PXDNL: variants seen among roughly 807,000 people sequenced by gnomAD.
The protein encoded by PXDNL is probable oxidoreductase PXDNL.
PXDNL carries 145 observed loss-of-function variants against 150.8 expected under a neutral mutation model. The ratio of observed to expected loss-of-function variants is 0.96; its 90% CI spans 0.84 to 1.10. The LOEUF is 1.10. Among genes scored for constraint, PXDNL ranks in the 50% least tolerant of loss-of-function variants. The pLI is 0.00. For missense variants in PXDNL, 2,087 were observed against 1,873.9 expected (o/e 1.11, Z -2.10); for synonymous variants, 757 against 725.7 (o/e 1.04, Z -0.69).
chr8:51,343,717 T>TGATCCC (rs1458547604), intron 20 of PXDNL, among the ~76,000 whole-genome samples: 1 of 152,192 alleles, frequency 6.6e-6, no homozygotes, highest in East Asian at 1.9e-4. Context: ...TGGAAGGGAC[T>TGATCCC]GATCCCCATC....
At chr8:51,680,825 G>A (rs1221161396) in intron 1 of PXDNL, among the ~76,000 whole-genome samples, 1 of 152,192 alleles carries the variant, frequency 6.6e-6, no homozygotes, top group Non-Finnish European at 1.5e-5. Context: ...CTGTTGTGAA[G>A]ATATGTGATT....
intron 5 of PXDNL, among the ~76,000 whole-genome samples, chr8:51,497,355 AT>A (rs976233508): frequency 1.3e-5 from 2 of 152,216 alleles, no homozygotes; most frequent in East Asian, 3.8e-4. Flanking sequence ...AGGCAATACC[AT>A]TCAGGACATA....
intron 17 of PXDNL, among the ~76,000 whole-genome samples, chr8:51,388,480 T>C (rs1807794927): frequency 6.6e-6 from 1 of 152,204 alleles, no homozygotes; most frequent in African/African-American, 2.4e-5. Flanking sequence ...TGGTTGTTGA[T>C]TACCATAATC....
intron 1 of PXDNL, among the ~76,000 whole-genome samples, chr8:51,716,380 A>G (rs1335345687): frequency 6.6e-6 from 1 of 152,250 alleles, no homozygotes. Context: ...TGCACAACAC[A>G]TAAATTCCCC....
chr8:51,455,197 A>G (rs1219853046), intron 9 of PXDNL, among the ~76,000 whole-genome samples: 1 of 151,800 alleles, frequency 6.6e-6, no homozygotes, highest in Non-Finnish European at 1.5e-5. Flanking sequence ...GAGGTAAGTC[A>G]GTGGCAGTAG....
At chr8:51,343,245 C>T (rs1806042897) in intron 20 of PXDNL, among the ~76,000 whole-genome samples, 1 of 151,998 alleles carries the variant, frequency 6.6e-6, no homozygotes, top group Non-Finnish European at 1.5e-5. Context: ...ACAGAGAAAA[C>T]AAGAAGTGAA....
intron 12 of PXDNL, among the ~76,000 whole-genome samples, chr8:51,431,980 T>C (rs1809257971): frequency 6.6e-6 from 1 of 152,244 alleles, no homozygotes; most frequent in African/African-American, 2.4e-5. Flanking sequence ...GACTTGTGAA[T>C]AGAATATCCA....
At chr8:51,636,998 C>T (rs1381951320) in intron 2 of PXDNL, among the ~76,000 whole-genome samples, 1 of 152,100 alleles carries the variant, frequency 6.6e-6, no homozygotes, top group Non-Finnish European at 1.5e-5. Context: ...ATGAAGCTTC[C>T]AGAGGAACGA....
intron 2 of PXDNL, among the ~76,000 whole-genome samples, chr8:51,638,412 G>C (rs1814656298): frequency 2.0e-5 from 3 of 152,132 alleles, no homozygotes; most frequent in South Asian, 4.1e-4. Context: ...TGGCAAATTG[G>C]ATAAAGAGTC....
chr8:51,495,607 G>A (rs1350762082), intron 5 of PXDNL, among the ~76,000 whole-genome samples: 17 of 152,196 alleles, frequency 1.1e-4, no homozygotes, highest in East Asian at 1.9e-4. Context: ...TATCACCACC[G>A]ATCCCACAGA....
intron 2 of PXDNL, among the ~76,000 whole-genome samples, chr8:51,608,681 C>CA (rs1178131085): frequency 4.7e-5 from 7 of 149,982 alleles, no homozygotes; most frequent in South Asian, 2.1e-4. Flanking sequence ...ACTAAAAATA[C>CA]AAAAAATTAG....
chr8:51,592,846 C>A, intron 2 of PXDNL, 148 bp from the exon 3 acceptor site: 1 of 500,554 alleles, frequency 2.0e-6, no homozygotes. Context: ...ACTTTAATTC[C>A]CTATTCAAAA....
chr8:51,429,838 A>C (rs1809208562), intron 12 of PXDNL, among the ~76,000 whole-genome samples: 1 of 152,146 alleles, frequency 6.6e-6, no homozygotes, highest in Admixed American at 6.5e-5. Flanking sequence ...TTTATTGCTG[A>C]GAAAGATAAA....
intron 21 of PXDNL, among the ~76,000 whole-genome samples, chr8:51,324,467 T>C (rs1291141734): frequency 2.0e-5 from 3 of 152,226 alleles, no homozygotes; most frequent in Non-Finnish European, 4.4e-5. Flanking sequence ...TTTTATTTTG[T>C]TGTCAAAAGT....
chr8:51,496,426 C>T (rs1430346845), intron 5 of PXDNL, among the ~76,000 whole-genome samples: 3 of 152,068 alleles, frequency 2.0e-5, no homozygotes, highest in African/African-American at 7.2e-5. Flanking sequence ...GAAGTTCTGG[C>T]CAGGGCAATT....
chr8:51,339,723 A>G lies in PXDNL; in HGVS notation c.4047T>C (p.Asp1349=). The part of the protein sequence containing the change: ...RQQDKIYVGE[D]ARNVTVLAKT... ...TTGCCAGAACTGTCACATTTCTAGC[A>G]TCTTCACCCACATATATTTTATCTT... Residue 1349 remains aspartate (D), a synonymous_variant, in exon 21 of 23, where the codon GAT becomes GAC. Coordinates refer to ENST00000356297, the MANE Select transcript of PXDNL (RefSeq NM_144651.5). 4 of 1,613,232 alleles carry G rather than the reference A, an allele frequency of 2.5e-6. No individual in the cohort carries two copies. In the South Asian group the frequency reaches 4.4e-5, roughly 18 times the overall value.
intron 11 of PXDNL, among the ~76,000 whole-genome samples, chr8:51,448,322 T>C (rs539057967): frequency 2.6e-5 from 4 of 152,352 alleles, no homozygotes; most frequent in African/African-American, 4.8e-5. Flanking sequence ...CAGCTCTTTT[T>C]TGGAGCTTCA....
At chr8:51,703,819 A>G (rs1402718637) in intron 1 of PXDNL, among the ~76,000 whole-genome samples, 14 of 152,272 alleles carry the variant, frequency 9.2e-5, no homozygotes, top group Non-Finnish European at 5.9e-5. Flanking sequence ...TTTGAGTTGC[A>G]TAGTTTTTCA....
chr8:51,566,549 A>G (rs934674217), intron 3 of PXDNL, among the ~76,000 whole-genome samples: 2 of 151,718 alleles, frequency 1.3e-5, no homozygotes, highest in Non-Finnish European at 3.0e-5. Context: ...AGTCCATTTT[A>G]TCTAAGTTAC....
Sources: gnomAD v4.1 joint callset for allele counts (sites outside exome capture counted in the v4.1 genomes callset) on GRCh38, gnomAD v4.1.1 for gene constraint, MANE v1.5 for transcripts, NCBI Gene and HGNC (gene_info 2026-07-23, HGNC 2026-07-21) for gene names.